The following TF variants were observed in gnomAD, a reference collection of about 807,000 sequenced individuals.
TF encodes the protein transferrin.
TF carries 55 observed loss-of-function variants against 82.4 expected under a neutral mutation model. The ratio of observed to expected loss-of-function variants is 0.67; its 90% CI spans 0.54 to 0.84. The LOEUF (loss-of-function observed/expected upper bound fraction) is 0.84. Among genes scored for constraint, TF ranks in the 40% least tolerant of loss-of-function variants. TF has a pLI of 0.00. For synonymous variants in TF, 332 were observed against 332.6 expected, an observed-to-expected ratio of 1.00 and a Z score of 0.02; for missense variants, 737 against 868.4, an observed-to-expected ratio of 0.85 and a Z score of 1.90.
the TF span, among the ~76,000 whole-genome samples, chr3:133,664,303 T>G: frequency 6.6e-6 from 1 of 152,184 alleles, no homozygotes; most frequent in African/African-American, 2.4e-5. Flanking sequence ...ATATATAACC[T>G]GTGCACATAC....
the TF span, among the ~76,000 whole-genome samples, chr3:133,682,202 G>A: frequency 1.1e-4 from 17 of 152,220 alleles, no homozygotes; most frequent in African/African-American, 3.6e-4. Context: ...CCATCTGTAC[G>A]TCACCATCAT....
At chr3:133,715,896 G>C in the TF span, among the ~76,000 whole-genome samples, 1 of 152,208 alleles carries the variant, frequency 6.6e-6, no homozygotes, top group Non-Finnish European at 1.5e-5. Context: ...CTTGGTCCTT[G>C]TGTTGTTGCA....
Position 133,796,556 on chromosome 3 carries a change from G to A in TF, c.*17936G>A, listed in dbSNP as rs983527919. 3.9e-5 allele frequency: 6 copies of A among 152,162 alleles called. No individual in the cohort carries two copies. The highest frequency in any genetic ancestry group is 2.1e-4 in the South Asian group (1 of 4,820). 9.4% of individuals were successfully genotyped at this position (152,162 alleles called of 1,614,324 possible). The stretch of plus-strand genomic sequence containing the variant: ...TTAAACCCCAGAAAATTCTGTAACC[G>A]GGCTATTGAGCCCCTATGCTCAAGC... On this transcript the variant is annotated 3_prime_UTR_variant, in exon 17 of 17. Transcript: ENST00000402696.
chr3:133,686,018 G>T, the TF span, among the ~76,000 whole-genome samples: 1 of 152,176 alleles, frequency 6.6e-6, no homozygotes. Flanking sequence ...CAATGGAAGA[G>T]AACAGAGTCC....
the TF span, among the ~76,000 whole-genome samples, chr3:133,728,806 T>C: frequency 5.9e-5 from 9 of 152,222 alleles, no homozygotes; most frequent in African/African-American, 1.9e-4. Context: ...TGGTCTTTGA[T>C]GATGGTGATG....
At chr3:133,773,134 G>A (rs1490293831) in intron 14 of TF, 1 of 151,808 alleles carries the variant, frequency 6.6e-6, no homozygotes, top group African/African-American at 2.4e-5. Flanking sequence ...ATACAAGAAG[G>A]AAGACACAAA....
In TF at chr3:133,779,836, C is replaced by G. The variant is rs1385804106; in HGVS notation, c.*1216C>G. 2 of 152,280 alleles carry G rather than the reference C, an allele frequency of 1.3e-5. No homozygotes were observed. The highest frequency in any genetic ancestry group is 4.8e-5 in the African/African-American group (2 of 41,452). The allele number at this position is 152,280 out of a possible 1,614,324, so 9.4% of individuals were successfully genotyped here. A position where few individuals can be genotyped will look rare whatever the true frequency, so the allele number is the denominator to read the frequency against. On this transcript the variant is annotated 3_prime_UTR_variant, in exon 17 of 17. Transcript: ENST00000402696. ...TGAAGTGATCATCCTGTTCTTCTCTCTCTTGCTTCCCTAAACCAACTGTTG... is the reference window on the plus strand; with the variant it reads ...TGAAGTGATCATCCTGTTCTTCTCTGTCTTGCTTCCCTAAACCAACTGTTG...
the TF span, among the ~76,000 whole-genome samples, chr3:133,678,017 C>T: frequency 6.6e-6 from 1 of 152,142 alleles, no homozygotes; most frequent in Non-Finnish European, 1.5e-5. Context: ...CCTAGTCTCC[C>T]ACCTCCCAAC....
the TF span, among the ~76,000 whole-genome samples, chr3:133,675,015 G>A: frequency 3.0e-4 from 46 of 152,190 alleles, no homozygotes; most frequent in Non-Finnish European, 5.1e-4. Context: ...GGAGGCCGAG[G>A]CGGTGTATCA....
At chr3:133,675,237 T>C in the TF span, among the ~76,000 whole-genome samples, 1 of 99,266 alleles carries the variant, frequency 1.0e-5, no homozygotes, top group Non-Finnish European at 1.9e-5. Flanking sequence ...AGAGTGAGAC[T>C]CTGTCAAAAA....
At chr3:133,681,408 C>T in the TF span, among the ~76,000 whole-genome samples, 1 of 152,222 alleles carries the variant, frequency 6.6e-6, no homozygotes, top group African/African-American at 2.4e-5. Flanking sequence ...GAGACATCAC[C>T]TCACCTGGGA....
chr3:133,682,984 A>G, the TF span, among the ~76,000 whole-genome samples: 1 of 152,250 alleles, frequency 6.6e-6, no homozygotes, highest in African/African-American at 2.4e-5. Context: ...AGGGAAGCTC[A>G]TCAGGCTAAC....
Position 133,747,977 on chromosome 3 carries a change from T to C in TF, c.44-435T>C, listed in dbSNP as rs41298285. ...ATTCTCTGAGTCTCACTCCCTCTTC[T>C]CAAAAAGATGGCAATTCCTCCCCCG... On this transcript the variant is annotated intron_variant, in intron 1 of 16. Transcript: ENST00000402696. Among the ~76,000 whole-genome samples, 576 of 151,832 alleles carry C rather than the reference T, an allele frequency of 3.8e-3. 3 individuals are homozygous for C. Among genetic ancestry groups the C allele is most frequent in the African/African-American group, 0.013 (551 of 41,408 alleles).
At chr3:133,664,425 C>T in the TF span, among the ~76,000 whole-genome samples, 2 of 152,074 alleles carry the variant, frequency 1.3e-5, no homozygotes, top group African/African-American at 4.8e-5. Context: ...GGGGTTCAAG[C>T]GATTCTCCTG....
chr3:133,672,052 TA>T, the TF span, among the ~76,000 whole-genome samples: 4,560 of 152,222 alleles, frequency 0.03, 119 homozygotes, highest in African/African-American at 0.072. Flanking sequence ...CTAAATACCA[TA>T]TACTAAAAAT....
the TF span, chr3:133,707,516 C>A: frequency 3.3e-5 from 5 of 152,160 alleles, no homozygotes; most frequent in East Asian, 7.7e-4. Context: ...GGTTCCACTG[C>A]CACCATTTAA....
chr3:133,714,296 T>C, the TF span, among the ~76,000 whole-genome samples: 1 of 152,122 alleles, frequency 6.6e-6, no homozygotes, highest in East Asian at 1.9e-4. Context: ...GCTGGACCTT[T>C]GAGGAAGCAG....
chr3:133,786,922 T>C lies in TF; in HGVS notation c.*8302T>C, dbSNP rs1487913334. The C allele has an allele frequency of 1.3e-5, 2 of 152,264 alleles. No homozygotes were observed. The highest frequency in any genetic ancestry group is 2.9e-5 in the Non-Finnish European group (2 of 68,054). The allele number at this position is 152,264 out of a possible 1,614,324, so 9.4% of individuals were successfully genotyped here. On this transcript the variant is annotated 3_prime_UTR_variant, in exon 17 of 17. Transcript: ENST00000402696. ...TAAAATATCACCTTGTAAATATCTT[T>C]TTGCTAAAATTCTTGGGAAGTACTG...
chr3:133,725,542 T>G, the TF span, among the ~76,000 whole-genome samples: 2 of 152,208 alleles, frequency 1.3e-5, no homozygotes, highest in African/African-American at 4.8e-5. Flanking sequence ...CTTATCAGCT[T>G]AAGGAGATTT....
Sources: gnomAD v4.1 joint callset for allele counts (sites outside exome capture counted in the v4.1 genomes callset) on GRCh38, gnomAD v4.1.1 for gene constraint, MANE v1.5 for transcripts, NCBI Gene and HGNC (gene_info 2026-07-23, HGNC 2026-07-21) for gene names.